The following MAPRE3 variants were observed in gnomAD, a reference collection of about 807,000 sequenced individuals.
The protein encoded by MAPRE3 is microtubule associated protein RP/EB family member 3.
In MAPRE3, 2 loss-of-function variants were observed where a neutral mutation model predicts 30.5. That is an observed-to-expected ratio of 0.07 (90% CI 0.03 to 0.21). MAPRE3 has a LOEUF of 0.21. MAPRE3 is among the 10% of genes least tolerant of loss of function. The pLI is 1.00. For missense variants in MAPRE3, 204 were observed against 351.8 expected, an observed-to-expected ratio of 0.58 and a Z score of 3.36; for synonymous variants, 110 against 127.7, an observed-to-expected ratio of 0.86 and a Z score of 0.93.
chr2:26,971,113 A>G lies in MAPRE3; in HGVS notation c.-8+311A>G, dbSNP rs527391551. Among the ~76,000 whole-genome samples the G allele has an allele frequency of 1.7e-4, 26 of 151,988 alleles. 1 individual carries two copies. Among genetic ancestry groups the G allele is most frequent in the African/African-American group, 6.0e-4 (25 of 41,460 alleles). On this transcript the variant is annotated intron_variant, in intron 1 of 6. Coordinates refer to ENST00000233121, the MANE Select transcript of MAPRE3 (RefSeq NM_012326.4). ...GCCACCGCACCTCTGCCCTGGGCTG[A>G]TATTTTCTCCAAACTACCTCCCGTC... is the stretch of plus-strand genomic sequence containing the variant.
intron 1 of MAPRE3, among the ~76,000 whole-genome samples, chr2:26,983,055 A>G (rs1008725459): frequency 1.3e-5 from 2 of 152,218 alleles, no homozygotes; most frequent in African/African-American, 4.8e-5. Context: ...ATGGAAAGAC[A>G]TGAGAGGAAG....
chr2:27,023,001 C>G (rs138414734), intron 2 of MAPRE3: 1 of 203,084 alleles, frequency 4.9e-6, no homozygotes, highest in Non-Finnish European at 1.0e-5. Context: ...GGTGGTGCAA[C>G]CTTGGGCAAG....
chr2:27,026,526 G>A lies in MAPRE3; in HGVS notation c.*178G>A, dbSNP rs560593669. 32 of 564,130 alleles carry A rather than the reference G, an allele frequency of 5.7e-5. No individual in the cohort carries two copies. Among genetic ancestry groups the A allele is most frequent in the Admixed American group, 5.5e-4 (16 of 28,970 alleles). The allele number at this position is 564,130 out of a possible 1,614,324, so 34.9% of individuals were successfully genotyped here. ...GGGGCCGGAAAGCAGGCAGAAGCCCGTCCTGGGTGGTGCTGGCCCAGTTGG... is the reference window on the plus strand; with the variant it reads ...GGGGCCGGAAAGCAGGCAGAAGCCCATCCTGGGTGGTGCTGGCCCAGTTGG... On this transcript the variant is annotated 3_prime_UTR_variant, in exon 7 of 7. Coordinates refer to ENST00000233121, the MANE Select transcript of MAPRE3 (RefSeq NM_012326.4).
At position 26,970,646 on chromosome 2, in the gene MAPRE3, G is replaced by C. The variant is rs1423961822; in HGVS notation, c.-164G>C. ...CGCATCGCGCCTGCGCAGTGCCCTC[G>C]TCCCCCGCAGTCTCTGTGCGTTGAA... On this transcript the variant is annotated 5_prime_UTR_variant, in exon 1 of 7. Transcript: ENST00000233121. The C allele has an allele frequency of 6.6e-6, 1 of 152,246 alleles. No homozygotes were observed. Among genetic ancestry groups the C allele is most frequent in the Admixed American group, 6.5e-5 (1 of 15,292 alleles). 9.4% of individuals were successfully genotyped at this position (152,246 alleles called of 1,614,324 possible).
intron 1 of MAPRE3, among the ~76,000 whole-genome samples, chr2:27,018,366 C>T (rs1278514006): frequency 6.6e-6 from 1 of 152,166 alleles, no homozygotes; most frequent in African/African-American, 2.4e-5. Context: ...TGCACCAGCT[C>T]CTGGCCGTCC....
intron 1 of MAPRE3, among the ~76,000 whole-genome samples, chr2:26,999,517 G>GAA (rs1558378424): frequency 2.5e-5 from 3 of 117,978 alleles, no homozygotes; most frequent in African/African-American, 1.0e-4. Context: ...TTTTTTTTTG[G>GAA]GATGGAGTTT....
chr2:27,019,938 A>G (rs950891936), intron 1 of MAPRE3, among the ~76,000 whole-genome samples: 2 of 152,206 alleles, frequency 1.3e-5, no homozygotes, highest in Non-Finnish European at 1.5e-5. Context: ...CTAAAGCAGT[A>G]CTACTCAAAC....
At chr2:27,007,836 C>G (rs185774658) in intron 1 of MAPRE3, among the ~76,000 whole-genome samples, 1 of 152,128 alleles carries the variant, frequency 6.6e-6, no homozygotes, top group East Asian at 1.9e-4. Flanking sequence ...CTTCAGGAAG[C>G]GCTGGAGATA....
At chr2:26,980,489 A>G (rs1162428755) in intron 1 of MAPRE3, among the ~76,000 whole-genome samples, 1 of 152,224 alleles carries the variant, frequency 6.6e-6, no homozygotes, top group Non-Finnish European at 1.5e-5. Context: ...ATATTGACAT[A>G]ATCCATATAT....
intron 1 of MAPRE3, chr2:27,002,784 GT>G (rs1311515294): frequency 6.6e-6 from 1 of 152,252 alleles, no homozygotes; most frequent in East Asian, 1.9e-4. Context: ...TGTTTTGAAA[GT>G]CCTTTCTGCC....
At chr2:26,978,532 T>C (rs1666057742) in intron 1 of MAPRE3, among the ~76,000 whole-genome samples, 1 of 152,140 alleles carries the variant, frequency 6.6e-6, no homozygotes, top group African/African-American at 2.4e-5. Flanking sequence ...AGCTCATAGC[T>C]GAAAGCTCTC....
At chr2:26,994,277 ACTT>A (rs1666408293) in intron 1 of MAPRE3, among the ~76,000 whole-genome samples, 1 of 152,228 alleles carries the variant, frequency 6.6e-6, no homozygotes, top group African/African-American at 2.4e-5. Flanking sequence ...TAATAAATAT[ACTT>A]CTTCCCTGTA....
chr2:26,975,415 A>G (rs1308010563), intron 1 of MAPRE3, among the ~76,000 whole-genome samples: 1 of 152,190 alleles, frequency 6.6e-6, no homozygotes, highest in African/African-American at 2.4e-5. Context: ...TTTTGGATGG[A>G]GAGAATTACA....
chr2:27,012,525 G>A (rs1666884347), intron 1 of MAPRE3: 1 of 152,322 alleles, frequency 6.6e-6, no homozygotes, highest in African/African-American at 2.4e-5. Context: ...CACAAGAGTG[G>A]CATTTCTGGT....
At chr2:27,006,211 A>AAAAAC (rs1558381062) in intron 1 of MAPRE3, among the ~76,000 whole-genome samples, 41 of 151,682 alleles carry the variant, frequency 2.7e-4, no homozygotes, top group African/African-American at 9.0e-4. Flanking sequence ...AAAACAAAAA[A>AAAAAC]AAAACAAGTG....
At chr2:27,026,160 G>A (rs1483966993) in intron 6 of MAPRE3, 120 bp from the exon 7 acceptor site, 5 of 1,403,598 alleles carry the variant, frequency 3.6e-6, no homozygotes, top group Non-Finnish European at 4.9e-6. Context: ...ACTAGCCCAG[G>A]GTCACCCATT....
intron 1 of MAPRE3, among the ~76,000 whole-genome samples, chr2:26,983,369 T>C (rs1558372037): frequency 6.6e-6 from 1 of 152,176 alleles, no homozygotes; most frequent in Non-Finnish European, 1.5e-5. Context: ...ACTGCTCTGC[T>C]TCCCCTGTGG....
At chr2:26,997,243 A>G (rs981846665) in intron 1 of MAPRE3, among the ~76,000 whole-genome samples, 1 of 152,180 alleles carries the variant, frequency 6.6e-6, no homozygotes, top group Non-Finnish European at 1.5e-5. Context: ...ATCATCAGGC[A>G]TTACTTAGAT....
At position 27,004,770 on chromosome 2, in the gene MAPRE3, G is replaced by T. The variant is rs1018970718; in HGVS notation, c.-7-17442G>T. 2.4e-4 allele frequency among the ~76,000 whole-genome samples: 37 copies of T among 151,212 alleles called. 1 individual carries two copies. Among genetic ancestry groups the T allele is most frequent in the Admixed American group, 2.4e-3 (36 of 15,102 alleles). On this transcript the variant is annotated intron_variant, in intron 1 of 6. Transcript: ENST00000233121. ...AAGTAAATGCCATGGATATGTCTGG[G>T]ATCAGTACAGATTTATCCCAGGATA...
Sources: gnomAD v4.1 joint callset for allele counts (sites outside exome capture counted in the v4.1 genomes callset) on GRCh38, gnomAD v4.1.1 for gene constraint, MANE v1.5 for transcripts, NCBI Gene and HGNC (gene_info 2026-07-23, HGNC 2026-07-21) for gene names.